PLEKHA8: variants seen among roughly 807,000 people sequenced by gnomAD.
The protein encoded by PLEKHA8 is pleckstrin homology domain containing A8, also known as pleckstrin homology domain-containing family A member 8.
PLEKHA8 carries 36 observed loss-of-function variants against 68.2 expected under a neutral mutation model. The ratio of observed to expected loss-of-function variants is 0.53; its 90% CI spans 0.40 to 0.70. PLEKHA8 has a LOEUF of 0.70. Ranked by LOEUF, PLEKHA8 falls within the 30% of genes least tolerant of loss-of-function variation. The pLI is 0.00. For synonymous variants in PLEKHA8, 211 were observed against 216.1 expected (o/e 0.98, Z 0.20); for missense variants, 505 against 615.4 (o/e 0.82, Z 1.90).
chr7:30,072,281 C>A (rs1323576049), intron 12 of PLEKHA8, among the ~76,000 whole-genome samples: 1 of 152,184 alleles, frequency 6.6e-6, no homozygotes, highest in Non-Finnish European at 1.5e-5. Context: ...CCAAAGGAAT[C>A]TGTTGTTCTA....
At chr7:30,057,545 C>T (rs1189808515) in intron 9 of PLEKHA8, among the ~76,000 whole-genome samples, 10 of 151,920 alleles carry the variant, frequency 6.6e-5, no homozygotes. Flanking sequence ...GCAACCTCCA[C>T]CTCCCGGGTT....
downstream of PLEKHA8, among the ~76,000 whole-genome samples, chr7:30,094,255 G>T (rs1320702291): frequency 6.6e-6 from 1 of 151,272 alleles, no homozygotes; most frequent in Non-Finnish European, 1.5e-5. Context: ...ATTAGGGATT[G>T]GTAGGAGAGC....
intron 13 of PLEKHA8, among the ~76,000 whole-genome samples, chr7:30,078,320 T>C (rs1794740097): frequency 6.6e-6 from 1 of 152,196 alleles, no homozygotes; most frequent in South Asian, 2.1e-4. Flanking sequence ...AGACTCTCTC[T>C]CTCAGCATTC....
At chr7:30,113,731 C>A (rs183221669) in intron 13 of PLEKHA8, among the ~76,000 whole-genome samples, 1 of 152,038 alleles carries the variant, frequency 6.6e-6, no homozygotes, top group African/African-American at 2.4e-5. Context: ...GGCCTCATAA[C>A]CTCCTTTTAA....
downstream of PLEKHA8, among the ~76,000 whole-genome samples, chr7:30,094,978 A>G (rs146735262): frequency 7.6e-3 from 1,162 of 152,278 alleles, 21 homozygotes; most frequent in African/African-American, 0.026. Context: ...TAGCGCTACA[A>G]TAAACATACG....
Position 30,054,772 on chromosome 7 carries a change from C to T in PLEKHA8, c.860C>T (p.Thr287Ile). The T allele has an allele frequency of 1.2e-6, 2 of 1,606,626 alleles. No homozygotes were observed. The highest frequency in any genetic ancestry group is 1.1e-5 in the South Asian group (1 of 90,412). Reference protein sequence around the residue: ...ENLKNHDNNLTQSGSDSSCSP... With the variant: ...ENLKNHDNNLIQSGSDSSCSP... Reference sequence around the variant, plus strand: ...CTGAAAAATCATGACAATAACTTGACTCAGTCTGGATCAGACTCAAGTTGC... The same window carrying T: ...CTGAAAAATCATGACAATAACTTGATTCAGTCTGGATCAGACTCAAGTTGC... Residue 287 changes from threonine to isoleucine, a missense_variant, in exon 8 of 14, where the codon ACT (threonine) becomes ATT (isoleucine). By Grantham distance (89) the Thr-to-Ile change is moderately conservative. Coordinates refer to ENST00000449726, the MANE Select transcript of PLEKHA8 (RefSeq NM_001197026.2).
chr7:30,052,091 A>G (rs1243489161), intron 6 of PLEKHA8, among the ~76,000 whole-genome samples: 1 of 152,210 alleles, frequency 6.6e-6, no homozygotes. Context: ...AAAGTGTGCA[A>G]AGTGGCACCG....
At chr7:30,058,023 G>T (rs997453314) in intron 9 of PLEKHA8, among the ~76,000 whole-genome samples, 1 of 152,020 alleles carries the variant, frequency 6.6e-6, no homozygotes, top group Non-Finnish European at 1.5e-5. Flanking sequence ...TTTCATTGTG[G>T]CTTTAATTTG....
chr7:30,057,812 G>A (rs1029055913), intron 9 of PLEKHA8, among the ~76,000 whole-genome samples: 3 of 152,144 alleles, frequency 2.0e-5, no homozygotes, highest in African/African-American at 4.8e-5. Context: ...GTGCCTATGG[G>A]CCTATGCTTT....
intron 13 of PLEKHA8, among the ~76,000 whole-genome samples, chr7:30,110,909 T>G (rs917376326): frequency 1.3e-5 from 2 of 151,476 alleles, no homozygotes; most frequent in African/African-American, 2.4e-5. Flanking sequence ...ATTTTGAGGT[T>G]GTTTTTTTTT....
Position 30,082,202 on chromosome 7 carries a change from TC to T in PLEKHA8, c.*3420del. 2 of 985,326 alleles carry T rather than the reference TC, an allele frequency of 2.0e-6. No homozygotes were observed. The highest frequency in any genetic ancestry group is 2.4e-6 in the Non-Finnish European group (2 of 829,906). 61.0% of individuals were successfully genotyped at this position (985,326 alleles called of 1,614,324 possible). On this transcript the variant is annotated 3_prime_UTR_variant, in exon 14 of 14. Coordinates refer to ENST00000449726, the MANE Select transcript of PLEKHA8 (RefSeq NM_001197026.2). ...TGCATGTTATTCTGATTATTAAACT[TC>T]CCCCAATGTCATATTCCATGATGAG...
intron 13 of PLEKHA8, among the ~76,000 whole-genome samples, chr7:30,127,049 C>A (rs907538479): frequency 6.6e-6 from 1 of 152,180 alleles, no homozygotes; most frequent in Non-Finnish European, 1.5e-5. Flanking sequence ...TTCATGGCAA[C>A]GTAGTTTTAT....
intron 13 of PLEKHA8, among the ~76,000 whole-genome samples, chr7:30,123,545 G>A (rs1796726578): frequency 6.6e-6 from 1 of 152,216 alleles, no homozygotes. Context: ...TGGCTCAGAG[G>A]TGGGCTTCAG....
At position 30,080,265 on chromosome 7, in the gene PLEKHA8, A is replaced by AGT. The variant is rs1794857849; in HGVS notation, c.*1478_*1479insGT. The AGT allele has an allele frequency of 1.0e-6, 1 of 985,300 alleles. No individual in the cohort carries two copies. Among genetic ancestry groups the AGT allele is most frequent in the Non-Finnish European group, 1.2e-6 (1 of 829,924 alleles). 61.0% of individuals were successfully genotyped at this position (985,300 alleles called of 1,614,324 possible). On this transcript the variant is annotated 3_prime_UTR_variant, in exon 14 of 14. Transcript: ENST00000449726. ...ATTCTTCTGCACAGTGTGATGCTCCAACCCTGGCCCTAGTCTCAGTAGACC... is the reference window on the plus strand; with the variant it reads ...ATTCTTCTGCACAGTGTGATGCTCCAGTACCCTGGCCCTAGTCTCAGTAGACC...
chr7:30,044,444 C>T (rs549788203), intron 1 of PLEKHA8, among the ~76,000 whole-genome samples: 3 of 152,180 alleles, frequency 2.0e-5, no homozygotes, highest in South Asian at 2.1e-4. Flanking sequence ...GGTTTGTCCC[C>T]TGAAATTCTC....
chr7:30,106,203 C>T (rs979637322), intron 13 of PLEKHA8, among the ~76,000 whole-genome samples: 22 of 152,134 alleles, frequency 1.4e-4, no homozygotes, highest in African/African-American at 4.8e-4. Flanking sequence ...GGATTACAGG[C>T]GCATGCCACC....
rs1346750253 is a variant in PLEKHA8 at position 30,074,149 on chromosome 7, G to T, written c.1362+17G>T. On this transcript the variant is annotated intron_variant, in intron 13 of 13. Transcript: ENST00000449726. ...GTTTTTGCGGTAAGTGATCCTTCTT[G>T]TCTCCTATTATTAACTGTATTGGGT... The T allele has an allele frequency of 1.2e-6, 2 of 1,607,282 alleles. No individual in the cohort carries two copies. Among genetic ancestry groups the T allele is most frequent in the Non-Finnish European group, 1.7e-6 (2 of 1,174,332 alleles).
chr7:30,060,910 C>T lies in PLEKHA8; in HGVS notation c.1066C>T (p.Pro356Ser). The T allele has an allele frequency of 6.2e-7, 1 of 1,613,034 alleles. No homozygotes were observed. The highest frequency in any genetic ancestry group is 8.5e-7 in the Non-Finnish European group (1 of 1,179,590). The change falls in exon 10 of 14, where the codon CCT becomes TCT. Residue 356 changes from proline (P) to serine (S), a missense_variant. Physicochemically the swap from Pro to Ser is moderately conservative, Grantham distance 74 (BLOSUM62 -1). Coordinates refer to ENST00000449726, the MANE Select transcript of PLEKHA8 (RefSeq NM_001197026.2). ...LDKLGPTVFAPVKMDLVGNIK... is the reference protein window; with the variant it reads ...LDKLGPTVFASVKMDLVGNIK... ...CAAACTTGGCCCTACAGTGTTTGCT[C>T]CTGTTAAGATGGATCTTGTTGGAAA...
chr7:30,066,025 A>T (rs1793825322), intron 12 of PLEKHA8, among the ~76,000 whole-genome samples: 1 of 152,198 alleles, frequency 6.6e-6, no homozygotes, highest in Non-Finnish European at 1.5e-5. Context: ...GAAGTTTGAG[A>T]CCTAGTCATC....
Sources: allele counts gnomAD v4.1 joint callset (sites outside exome capture counted in the v4.1 genomes callset), GRCh38; gene constraint gnomAD v4.1.1; transcripts MANE v1.5; gene names NCBI Gene and HGNC (gene_info 2026-07-23, HGNC 2026-07-21).